FBXW10: variants seen among roughly 807,000 people sequenced by gnomAD.
The protein encoded by FBXW10 is F-box and WD repeat domain containing 10, also known as F-box/WD repeat-containing protein 10.
Under a neutral mutation model 113.1 loss-of-function variants are expected in FBXW10, and 68 were observed. That is an observed-to-expected ratio of 0.60 (90% confidence interval 0.49 to 0.74). The LOEUF (loss-of-function observed/expected upper bound fraction) is 0.74, where lower values mean the gene tolerates loss of function less well. Ranked by LOEUF, FBXW10 falls within the 30% of genes least tolerant of loss-of-function variation. FBXW10 has a pLI of 0.00. For synonymous variants in FBXW10, 289 were observed against 481.6 expected (o/e 0.60, Z 5.24); for missense variants, 753 against 1,284.5 (o/e 0.59, Z 6.32).
At position 18,763,779 on chromosome 17, in the gene FBXW10, T is replaced by C. The variant is rs144799584; in HGVS notation, c.1434-963T>C. Among the ~76,000 whole-genome samples the C allele has an allele frequency of 4.9e-3, 743 of 152,182 alleles. 6 individuals are homozygous for C. The highest frequency in any genetic ancestry group is 0.017 in the African/African-American group (688 of 41,520). On this transcript the variant is annotated intron_variant, in intron 7 of 13. Transcript: ENST00000395665. ...TTGGATCTAAGTGATTGGTAAAGGA[T>C]TCTGTTGCTCTTGTTTGCAGATCCA...
rs1160879556 is a variant in FBXW10 at position 18,748,091 on chromosome 17, C to T, written c.656C>T (p.Ala219Val). 1.2e-6 allele frequency: 2 copies of T among 1,613,888 alleles called. No homozygotes were observed. Among genetic ancestry groups the T allele is most frequent in the Admixed American group, 1.7e-5 (1 of 60,012 alleles). Residue 219 changes from alanine to valine, a missense_variant, in exon 2 of 14, where the codon GCA becomes GTA. Coordinates refer to ENST00000395665, the MANE Select transcript of FBXW10 (RefSeq NM_001267585.2). Reference sequence around the variant, plus strand: ...CCAGAAAATGAACACTTGCTTGGGGCAGCATCTAACCCTGGTAAGTGAACT... The same window carrying T: ...CCAGAAAATGAACACTTGCTTGGGGTAGCATCTAACCCTGGTAAGTGAACT... ...KAPENEHLLG[A>V]ASNPEEPWRN... is the part of the protein sequence containing the mutation.
At chr17:18,777,218 C>T (rs2035718572) in intron 13 of FBXW10, among the ~76,000 whole-genome samples, 4 of 151,710 alleles carry the variant, frequency 2.6e-5, no homozygotes, top group South Asian at 4.2e-4. Context: ...CCTGCCACCA[C>T]GCCCGGCTAA....
At chr17:18,764,939 A>G in intron 8 of FBXW10, 76 bp downstream of exon 8, 1 of 1,612,582 alleles carries the variant, frequency 6.2e-7, no homozygotes, top group South Asian at 1.1e-5. Flanking sequence ...TGTTTTGCTC[A>G]TTTCTATAGG....
Position 18,772,643 on chromosome 17 carries a change from C to CA in FBXW10, c.2240dup (p.Ser748ValfsTer34). 1 of 1,613,988 alleles carries CA rather than the reference C, an allele frequency of 6.2e-7. No individual in the cohort carries two copies. The highest frequency in any genetic ancestry group is 8.5e-7 in the Non-Finnish European group (1 of 1,179,970). ...AAGAGCTCCTACCAGGCAAACCTCCCAAGTCCCGAGTACTCCTGAAGCCGG... is the reference window on the plus strand; with the variant it reads ...AAGAGCTCCTACCAGGCAAACCTCCCAAAGTCCCGAGTACTCCTGAAGCCGG... On this transcript the variant is annotated frameshift_variant, in exon 12 of 14. Transcript: ENST00000395665. LOFTEE classifies it high-confidence loss of function.
In FBXW10 at chr17:18,744,403, G is replaced by A. The variant is rs1427598238; in HGVS notation, c.159G>A (p.Gln53=). 9 of 1,613,616 alleles carry A rather than the reference G, an allele frequency of 5.6e-6. No individual in the cohort carries two copies. The Admixed American group carries it at 1.5e-4, about 27-fold the overall frequency. Reference sequence around the variant, plus strand: ...TCTGCAGGATCAATGACATATCACAGAGGAGGTTTCTAGTTGGCATTCTGA... The same window carrying A: ...TCTGCAGGATCAATGACATATCACAAAGGAGGTTTCTAGTTGGCATTCTGA... The part of the protein sequence containing the change: ...EWFCRINDIS[Q]RRFLVGILKQ... Residue 53 remains glutamine (Q), a synonymous_variant, in exon 1 of 14, where the codon CAG becomes CAA. Transcript: ENST00000395665.
Position 18,775,057 on chromosome 17 carries a change from CCAT to C in FBXW10, c.2279-78_2279-76del, listed in dbSNP as rs1174221234. ...ATAAAAATCAGTCCAATTATCAGCC[CCAT>C]TATTATTGATTATATTATTTTATGC... On this transcript the variant is annotated intron_variant, in intron 12 of 13. Transcript: ENST00000395665. The C allele has an allele frequency of 4.5e-6, 4 of 883,360 alleles. No homozygotes were observed. The African/African-American group carries it at 6.8e-5, about 15-fold the overall frequency. 54.7% of individuals were successfully genotyped at this position (883,360 alleles called of 1,614,324 possible). A position where few individuals can be genotyped will look rare whatever the true frequency, so the allele number is the denominator to read the frequency against.
Position 18,744,560 on chromosome 17 carries a change from T to G in FBXW10, c.316T>G (p.Leu106Val), listed in dbSNP as rs745713216. The change falls in exon 1 of 14, where the codon TTG (leucine) becomes GTG (valine). Residue 106 changes from leucine (L) to valine (V), a missense_variant. Leu to Val is a conservative substitution (Grantham distance 32). Coordinates refer to ENST00000395665, the MANE Select transcript of FBXW10 (RefSeq NM_001267585.2). ...KKEGKVVKSS[L>V]NQMLDKTVEQ... is the part of the protein sequence containing the mutation. ...AGAGGGGAAAGTTGTGAAGTCCTCC[T>G]TGAACCAAATGTTGGATAAAACAGT... is the stretch of plus-strand genomic sequence containing the variant. 2.2e-5 allele frequency: 35 copies of G among 1,613,888 alleles called. No homozygotes were observed. Among genetic ancestry groups the G allele is most frequent in the Non-Finnish European group, 2.7e-5 (32 of 1,179,882 alleles).
rs552477680 is a variant in FBXW10 at position 18,766,018 on chromosome 17, G to A, written c.1556-696G>A. Among the ~76,000 whole-genome samples the A allele has an allele frequency of 2.6e-5, 4 of 151,990 alleles. No homozygotes were observed. In the South Asian group the frequency reaches 8.3e-4, roughly 32 times the overall value. On this transcript the variant is annotated intron_variant, in intron 8 of 13. Transcript: ENST00000395665. ...CTGGGATTATAAGCATGAGCCACTGGGCCCGGCATTAACTTCTTCATTTTA... is the reference window on the plus strand; with the variant it reads ...CTGGGATTATAAGCATGAGCCACTGAGCCCGGCATTAACTTCTTCATTTTA...
At position 18,769,975 on chromosome 17, in the gene FBXW10, T is replaced by C. The variant is rs2035580541; in HGVS notation, c.1896T>C (p.Cys632=). 1 of 1,614,166 alleles carries C rather than the reference T, an allele frequency of 6.2e-7. No individual in the cohort carries two copies. The highest frequency in any genetic ancestry group is 8.5e-7 in the Non-Finnish European group (1 of 1,180,032). ...SLLFLRVISA[C]ADGKIRIYNF... is the part of the protein sequence containing the mutation. ...TCTTCCTCCGGGTCATCAGCGCCTG[T>C]GCAGATGGCAAGATCCGAATTTACA... The change falls in exon 11 of 14, where the codon TGT becomes TGC. Residue 632 remains cysteine, a synonymous_variant. Coordinates refer to ENST00000395665, the MANE Select transcript of FBXW10 (RefSeq NM_001267585.2).
intron 5 of FBXW10, 58 bp downstream of exon 5, chr17:18,751,111 T>C (rs1443775729): frequency 6.2e-7 from 1 of 1,609,348 alleles, no homozygotes; most frequent in Non-Finnish European, 8.5e-7. Context: ...TAATTGTCAT[T>C]GAAGGCTGAG....
chr17:18,766,689 C>G, intron 8 of FBXW10, 25 bp from the exon 9 acceptor site: 1 of 1,611,598 alleles, frequency 6.2e-7, no homozygotes, highest in Non-Finnish European at 8.5e-7. Flanking sequence ...ACTCCCATGT[C>G]TTCCTCTCTC....
intron 12 of FBXW10, among the ~76,000 whole-genome samples, chr17:18,773,006 G>A (rs192103802): frequency 8.2e-4 from 121 of 147,488 alleles, no homozygotes; most frequent in African/African-American, 2.8e-3. Flanking sequence ...TTGGCTCACC[G>A]CAACCTCCGC....
intron 4 of FBXW10, 106 bp from the exon 5 acceptor site, chr17:18,750,825 T>A: frequency 7.4e-7 from 1 of 1,359,682 alleles, no homozygotes; most frequent in Non-Finnish European, 9.9e-7. Flanking sequence ...TACCCATCCT[T>A]CACATTTTGC....
chr17:18,758,148 TG>T (rs2035303067), intron 6 of FBXW10, among the ~76,000 whole-genome samples, 156 bp from the exon 7 acceptor site: 1 of 152,222 alleles, frequency 6.6e-6, no homozygotes, highest in African/African-American at 2.4e-5. Flanking sequence ...CCTCAAGGCC[TG>T]TTAATTCTCG....
chr17:18,745,429 T>A (rs1208264775), intron 1 of FBXW10: 2 of 207,818 alleles, frequency 9.6e-6, no homozygotes, highest in East Asian at 3.7e-4. Flanking sequence ...TTTTCTTTTT[T>A]TTTTGAGATG....
chr17:18,762,107 C>T (rs573282645), intron 7 of FBXW10, among the ~76,000 whole-genome samples: 2 of 151,790 alleles, frequency 1.3e-5, no homozygotes, highest in South Asian at 2.1e-4. Context: ...GGACTACAGG[C>T]GCCCACCACC....
intron 10 of FBXW10, 91 bp downstream of exon 10, chr17:18,768,767 C>G: frequency 2.2e-6 from 3 of 1,336,326 alleles, no homozygotes; most frequent in Non-Finnish European, 3.2e-6. Context: ...ACCTTCTGCT[C>G]CCTGTAGACA....
At position 18,765,924 on chromosome 17, in the gene FBXW10, T is replaced by C. The variant is rs559294952; in HGVS notation, c.1556-790T>C. Among the ~76,000 whole-genome samples the C allele has an allele frequency of 6.3e-3, 960 of 151,998 alleles. 6 individuals are homozygous for C. The highest frequency in any genetic ancestry group is 0.011 in the Non-Finnish European group (734 of 67,980). On this transcript the variant is annotated intron_variant, in intron 8 of 13. Transcript: ENST00000395665. ...TTTTTTTTTTAGTAGAGACGGGGTT[T>C]CACCATGTTGGCTAGGCTGGTCTCG... is the stretch of plus-strand genomic sequence containing the variant.
At chr17:18,772,140 C>G (rs1399956992) in intron 11 of FBXW10, among the ~76,000 whole-genome samples, 1 of 152,042 alleles carries the variant, frequency 6.6e-6, no homozygotes, top group East Asian at 1.9e-4. Context: ...AATAAAAAAG[C>G]ATTTTGACTT....
Sources: allele counts gnomAD v4.1 joint callset (sites outside exome capture counted in the v4.1 genomes callset), GRCh38; gene constraint gnomAD v4.1.1; transcripts MANE v1.5; gene names NCBI Gene and HGNC (gene_info 2026-07-23, HGNC 2026-07-21).